Variants in EEFSEC observed in about 807,000 individuals in gnomAD.
The protein encoded by EEFSEC is eukaryotic elongation factor, selenocysteine-tRNA specific, also known as selenocysteine-specific elongation factor.
In EEFSEC, 43 loss-of-function variants were observed where a neutral mutation model predicts 42.1. The ratio of observed to expected loss-of-function variants is 1.02; its 90% confidence interval spans 0.80 to 1.32. The LOEUF is 1.32. Ranked by LOEUF, EEFSEC falls within the 40% of genes most tolerant of loss-of-function variation. The pLI is 0.00. For missense variants in EEFSEC, 745 were observed against 803.6 expected (o/e 0.93, Z 0.88); for synonymous variants, 354 against 339.1 (o/e 1.04, Z -0.48).
chr3:128,424,323 T>C, the EEFSEC span, among the ~76,000 whole-genome samples: 1 of 152,200 alleles, frequency 6.6e-6, no homozygotes, highest in Non-Finnish European at 1.5e-5. Flanking sequence ...ATTCACTTTA[T>C]TGTTGTTTTT....
intron 4 of EEFSEC, among the ~76,000 whole-genome samples, chr3:128,279,971 C>T (rs920198243): frequency 3.9e-5 from 6 of 152,174 alleles, no homozygotes; most frequent in South Asian, 2.1e-4. Flanking sequence ...ACGTGCCCAT[C>T]GAACACGATG....
chr3:128,419,397 G>T, the EEFSEC span, among the ~76,000 whole-genome samples: 1 of 152,212 alleles, frequency 6.6e-6, no homozygotes, highest in Non-Finnish European at 1.5e-5. Flanking sequence ...GGTGAAAAAA[G>T]TTGCAAAAGG....
intron 2 of EEFSEC, among the ~76,000 whole-genome samples, chr3:128,249,767 C>T (rs924550260): frequency 3.3e-5 from 5 of 152,128 alleles, no homozygotes; most frequent in African/African-American, 1.2e-4. Context: ...GTCAGAATTT[C>T]ACTCCTTTTT....
chr3:128,217,892 C>T (rs189900025), intron 1 of EEFSEC, among the ~76,000 whole-genome samples: 3 of 152,320 alleles, frequency 2.0e-5, no homozygotes, highest in African/African-American at 7.2e-5. Context: ...ACTATGCGAA[C>T]ATTTTTCCAC....
intron 4 of EEFSEC, among the ~76,000 whole-genome samples, chr3:128,301,068 G>A (rs907588291): frequency 2.6e-5 from 4 of 152,192 alleles, no homozygotes; most frequent in African/African-American, 9.7e-5. Flanking sequence ...CGATGGAGAA[G>A]AACCTATCAG....
chr3:128,215,162 T>C (rs945539426), intron 1 of EEFSEC, among the ~76,000 whole-genome samples: 2 of 152,218 alleles, frequency 1.3e-5, no homozygotes, highest in Non-Finnish European at 2.9e-5. Context: ...ATTATGGCTC[T>C]CAGCAACCCT....
chr3:128,269,001 G>C (rs1201386216), intron 4 of EEFSEC, among the ~76,000 whole-genome samples: 1 of 152,216 alleles, frequency 6.6e-6, no homozygotes, highest in East Asian at 1.9e-4. Context: ...CCTTAACTCT[G>C]AGCTTTGGCT....
At chr3:128,255,536 C>T (rs2066233199) in intron 2 of EEFSEC, among the ~76,000 whole-genome samples, 1 of 152,188 alleles carries the variant, frequency 6.6e-6, no homozygotes, top group Non-Finnish European at 1.5e-5. Context: ...CCCCATTGCT[C>T]TTGGGAGCCC....
At position 128,203,486 on chromosome 3, in the gene EEFSEC, A is replaced by G. The variant is rs551861275; in HGVS notation, c.317-43350A>G. 1.5e-3 allele frequency among the ~76,000 whole-genome samples: 228 copies of G among 152,256 alleles called. 1 individual carries two copies. Among genetic ancestry groups the G allele is most frequent in the Middle Eastern group, 0.01 (3 of 294 alleles). On this transcript the variant is annotated intron_variant, in intron 1 of 6. Transcript: ENST00000254730. ...CAAATGTCAGCCAGCACTGTCAGCC[A>G]CCTCCCTTGTGTGCGGGCACTGGGC...
At chr3:128,228,709 A>G (rs1346912438) in intron 1 of EEFSEC, among the ~76,000 whole-genome samples, 3 of 151,930 alleles carry the variant, frequency 2.0e-5, no homozygotes, top group Non-Finnish European at 2.9e-5. Flanking sequence ...TTACCTGACA[A>G]TTTGGCCTTG....
chr3:128,253,468 A>G (rs2066209220), intron 2 of EEFSEC, among the ~76,000 whole-genome samples: 1 of 152,146 alleles, frequency 6.6e-6, no homozygotes, highest in Admixed American at 6.5e-5. Context: ...ATGGTACCTG[A>G]ACCCCTGCCC....
At chr3:128,373,894 C>T (rs7644636) in intron 6 of EEFSEC, among the ~76,000 whole-genome samples, 3,725 of 152,288 alleles carry the variant, frequency 0.024, 146 homozygotes, top group African/African-American at 0.085. Flanking sequence ...GTCTCCTCAC[C>T]CCAGTAGCAT....
At chr3:128,189,335 G>A (rs989820101) in intron 1 of EEFSEC, among the ~76,000 whole-genome samples, 3 of 152,044 alleles carry the variant, frequency 2.0e-5, no homozygotes, top group African/African-American at 7.2e-5. Flanking sequence ...ATTATAGTGG[G>A]GCCAAAAAAT....
chr3:128,415,211 T>C, the EEFSEC span, among the ~76,000 whole-genome samples: 1 of 152,000 alleles, frequency 6.6e-6, no homozygotes, highest in Non-Finnish European at 1.5e-5. Flanking sequence ...GCAAAGGCTA[T>C]GGGATCCTGA....
chr3:128,234,099 C>G (rs2065985105), intron 1 of EEFSEC, among the ~76,000 whole-genome samples: 1 of 152,044 alleles, frequency 6.6e-6, no homozygotes, highest in African/African-American at 2.4e-5. Context: ...GTCGCCCAGG[C>G]TGGAGTGCAG....
At chr3:128,242,583 A>G (rs567981805) in intron 1 of EEFSEC, among the ~76,000 whole-genome samples, 1 of 152,266 alleles carries the variant, frequency 6.6e-6, no homozygotes, top group South Asian at 2.1e-4. Context: ...TTTTTTCTGA[A>G]CATATTTTAT....
intron 5 of EEFSEC, among the ~76,000 whole-genome samples, chr3:128,345,764 C>A (rs994355736): frequency 1.3e-5 from 2 of 152,206 alleles, no homozygotes; most frequent in Non-Finnish European, 2.9e-5. Flanking sequence ...TGGCACTATA[C>A]CTATGTGTTA....
chr3:128,220,570 TGAG>T (rs1400605276), intron 1 of EEFSEC, among the ~76,000 whole-genome samples: 4 of 152,314 alleles, frequency 2.6e-5, no homozygotes, highest in African/African-American at 9.6e-5. Context: ...CCATGCAGTC[TGAG>T]GATTCCTCCA....
At chr3:128,187,650 C>T (rs2065478673) in intron 1 of EEFSEC, among the ~76,000 whole-genome samples, 1 of 152,178 alleles carries the variant, frequency 6.6e-6, no homozygotes, top group African/African-American at 2.4e-5. Context: ...GTGGCCCTGC[C>T]CCTTGGGACT....
Sources: gnomAD v4.1 joint callset for allele counts (sites outside exome capture counted in the v4.1 genomes callset) on GRCh38, gnomAD v4.1.1 for gene constraint, MANE v1.5 for transcripts, NCBI Gene and HGNC (gene_info 2026-07-23, HGNC 2026-07-21) for gene names.